Variants in ATG2B observed in about 807,000 individuals in gnomAD.
ATG2B encodes the protein autophagy related 2B, also known as autophagy-related protein 2 homolog B.
A neutral mutation model predicts 241.3 loss-of-function variants in ATG2B; 121 were observed. The ratio of observed to expected loss-of-function variants is 0.50; its 90% CI spans 0.43 to 0.58. The LOEUF (loss-of-function observed/expected upper bound fraction) is 0.58, where lower values mean the gene tolerates loss of function less well. Ranked by LOEUF, ATG2B falls within the 20% of genes least tolerant of loss-of-function variation. ATG2B has a pLI of 0.00. For synonymous variants in ATG2B, 858 were observed against 876.6 expected (o/e 0.98, Z 0.37); for missense variants, 2,306 against 2,491.6 (o/e 0.93, Z 1.59).
Position 96,328,346 on chromosome 14 carries a change from C to T in ATG2B, c.2163+1G>A. The T allele has an allele frequency of 6.3e-7, 1 of 1,594,048 alleles. No homozygotes were observed. Among genetic ancestry groups the T allele is most frequent in the Non-Finnish European group, 8.6e-7 (1 of 1,169,468 alleles). ...AGTATTTGCAGCTTTTGAATACTTA[C>T]CAGACTAATATGTTTATTATATGAA... On this transcript the variant is annotated splice_donor_variant, in intron 14 of 41. Coordinates refer to ENST00000359933, the MANE Select transcript of ATG2B (RefSeq NM_018036.7). LOFTEE classifies it high-confidence loss of function.
Position 96,328,763 on chromosome 14 carries a change from A to G in ATG2B, c.1885T>C (p.Leu629=). ...GTTTCTTCTTTGGAATGGAACGTTA[A>G]AAGCTTAAAAGTAAAGATGAAGATA... ...HSVPPHYTEL[L]TFHSKEETGS... The change falls in exon 13 of 42, where the codon TTA becomes CTA. Residue 629 remains leucine (L), a synonymous_variant. Transcript: ENST00000359933. The G allele has an allele frequency of 6.2e-7, 1 of 1,602,470 alleles. No individual in the cohort carries two copies. The highest frequency in any genetic ancestry group is 8.5e-7 in the Non-Finnish European group (1 of 1,172,644).
intron 29 of ATG2B, among the ~76,000 whole-genome samples, chr14:96,308,233 T>TATATATATATATATACAC (rs1887018607): frequency 1.4e-4 from 2 of 14,368 alleles, no homozygotes; most frequent in African/African-American, 4.7e-4. Context: ...TATATATACA[T>TATATATATATATATACAC]ATATATATAT....
In ATG2B at chr14:96,362,863, G is replaced by A. The variant is rs765607935; in HGVS notation, c.114C>T (p.Asp38=). 3.1e-6 allele frequency: 5 copies of A among 1,613,184 alleles called. No homozygotes were observed. The Admixed American group carries it at 5.0e-5, about 16-fold the overall frequency. The change falls in exon 1 of 42, where the codon GAC becomes GAT. Residue 38 remains aspartate, a synonymous_variant. Transcript: ENST00000359933. ...EKLSLEQLSL[D]LYQGTGSLAQ... ...CGAGGGACCCGGTGCCTTGGTACAG[G>A]TCCAGGCTGAGCTGCTCCAGGCTCA...
intron 6 of ATG2B, among the ~76,000 whole-genome samples, chr14:96,340,039 T>C (rs1227309344): frequency 9.3e-6 from 1 of 107,278 alleles, no homozygotes; most frequent in African/African-American, 3.2e-5. Flanking sequence ...ACATAGTGAA[T>C]ATATATGATA....
Position 96,320,205 on chromosome 14 carries a change from C to G in ATG2B, c.2879+1907G>C, listed in dbSNP as rs118104919. Reference sequence around the variant, plus strand: ...CTGCCTGCTGTTGGTGGACATCTCTCTAGTAGAGCTGAGAACTGTTCCTAT... The same window carrying G: ...CTGCCTGCTGTTGGTGGACATCTCTGTAGTAGAGCTGAGAACTGTTCCTAT... On this transcript the variant is annotated intron_variant, in intron 18 of 41. Transcript: ENST00000359933. Among the ~76,000 whole-genome samples, 647 of 152,276 alleles carry G rather than the reference C, an allele frequency of 4.2e-3. 26 individuals are homozygous for G. In the South Asian group the frequency reaches 0.067, roughly 16 times the overall value.
At chr14:96,317,061 A>C in intron 20 of ATG2B, 84 bp downstream of exon 20, 1 of 1,259,988 alleles carries the variant, frequency 7.9e-7, no homozygotes, top group Non-Finnish European at 1.1e-6. Flanking sequence ...AATATCAAAT[A>C]CTTCAATCAC....
intron 21 of ATG2B, among the ~76,000 whole-genome samples, chr14:96,316,244 T>C (rs1433935165): frequency 1.3e-5 from 2 of 152,168 alleles, no homozygotes; most frequent in African/African-American, 2.4e-5. Context: ...TAAACATGTT[T>C]TAAAATTGAC....
chr14:96,308,256 A>G (rs1180733125), intron 29 of ATG2B, among the ~76,000 whole-genome samples: 1 of 11,534 alleles, frequency 8.7e-5, no homozygotes, highest in Non-Finnish European at 2.0e-4. Context: ...ATATATACAC[A>G]CATATATATA....
Position 96,317,866 on chromosome 14 carries a change from A to C in ATG2B, c.2880-11T>G. 1 of 1,567,366 alleles carries C rather than the reference A, an allele frequency of 6.4e-7. No individual in the cohort carries two copies. Among genetic ancestry groups the C allele is most frequent in the South Asian group, 1.2e-5 (1 of 82,420 alleles). The stretch of plus-strand genomic sequence containing the variant: ...AAGTCATTAAAGATCCTATAAAGAC[A>C]AAAGTTGAAAAATAAGTACTTAACT... On this transcript the variant is annotated splice_polypyrimidine_tract_variant and intron_variant, in intron 18 of 41. Coordinates refer to ENST00000359933, the MANE Select transcript of ATG2B (RefSeq NM_018036.7).
At chr14:96,308,165 TATAAATATATATAAATAC>T (rs1235108160) in intron 29 of ATG2B, among the ~76,000 whole-genome samples, 1 of 142,342 alleles carries the variant, frequency 7.0e-6, no homozygotes, top group African/African-American at 2.6e-5. Flanking sequence ...CACACACATA[TATAAATATATATAAATAC>T]ATAAATATAT....
intron 11 of ATG2B, 54 bp from the exon 12 acceptor site, chr14:96,329,688 T>C: frequency 8.3e-7 from 1 of 1,212,002 alleles, no homozygotes; most frequent in East Asian, 2.4e-5. Flanking sequence ...GTAACAATTA[T>C]CCACCTAGTC....
chr14:96,326,866 G>A (rs893968521), intron 14 of ATG2B, among the ~76,000 whole-genome samples: 4 of 152,026 alleles, frequency 2.6e-5, no homozygotes, highest in African/African-American at 9.7e-5. Flanking sequence ...ATCCAGACTT[G>A]GATTTTTAAC....
At chr14:96,309,859 C>G (rs1278271587) in intron 28 of ATG2B, among the ~76,000 whole-genome samples, 1 of 152,074 alleles carries the variant, frequency 6.6e-6, no homozygotes, top group Non-Finnish European at 1.5e-5. Context: ...CATTTGAAAA[C>G]AGGGAAGTTG....
Position 96,285,610 on chromosome 14 carries a change from T to G in ATG2B, c.*145A>C, listed in dbSNP as rs951450401. ...TCAGAAGTTTTTGGTTGCATGTTGT[T>G]TTGATGTTAAATTATTTAACTAAAA... On this transcript the variant is annotated 3_prime_UTR_variant, in exon 42 of 42. Coordinates refer to ENST00000359933, the MANE Select transcript of ATG2B (RefSeq NM_018036.7). The surrounding 1 kb of genome is among the most constrained non-coding windows in gnomAD (Gnocchi z 4.2). 8.2e-6 allele frequency: 6 copies of G among 732,204 alleles called. No individual in the cohort carries two copies. In the African/African-American group the frequency reaches 1.1e-4, roughly 13 times the overall value. The allele number at this position is 732,204 out of a possible 1,614,324, so 45.4% of individuals were successfully genotyped here. A position where few individuals can be genotyped will look rare whatever the true frequency, so the allele number is the denominator to read the frequency against.
At chr14:96,361,039 A>AAC (rs1362628861) in intron 1 of ATG2B, among the ~76,000 whole-genome samples, 1 of 152,138 alleles carries the variant, frequency 6.6e-6, no homozygotes, top group Non-Finnish European at 1.5e-5. Context: ...CCTAACCATC[A>AAC]ACACAGCACA....
intron 6 of ATG2B, among the ~76,000 whole-genome samples, chr14:96,340,926 G>GAA (rs34515724): frequency 0.082 from 9,268 of 112,640 alleles, 464 homozygotes; most frequent in Non-Finnish European, 0.093. Context: ...ACCCCATCTC[G>GAA]AAAAAAAAAA....
intron 2 of ATG2B, among the ~76,000 whole-genome samples, chr14:96,346,208 CAT>C (rs1888166031): frequency 6.6e-6 from 1 of 152,062 alleles, no homozygotes; most frequent in South Asian, 2.1e-4. Flanking sequence ...GAGGAGGAAA[CAT>C]ATGAGATGTG....
chr14:96,284,376 T>C lies in ATG2B; in HGVS notation c.*1379A>G, dbSNP rs1272482488. On this transcript the variant is annotated 3_prime_UTR_variant, in exon 42 of 42. Transcript: ENST00000359933. ...AATTCTAAACATTTTGATTTTTGGT[T>C]TACATTGCTTTCCTGCTTAGAAAAT... 1.3e-5 allele frequency: 2 copies of C among 152,228 alleles called. No homozygotes were observed. The highest frequency in any genetic ancestry group is 4.8e-5 in the African/African-American group (2 of 41,464). 9.4% of individuals were successfully genotyped at this position (152,228 alleles called of 1,614,324 possible).
rs374069499 is a variant in ATG2B, at chr14:96,334,415, A to T, written c.1011T>A (p.Ile337=). 1.2e-6 allele frequency: 2 copies of T among 1,606,296 alleles called. No homozygotes were observed. The highest frequency in any genetic ancestry group is 1.7e-5 in the Admixed American group (1 of 58,596). Residue 337 remains isoleucine (I), a synonymous_variant, in exon 7 of 42, where the codon ATT becomes ATA. Coordinates refer to ENST00000359933, the MANE Select transcript of ATG2B (RefSeq NM_018036.7). ...CAGAATTATACTTGCCTGGTCCAGCAATAGCTGCCAACATATCCAAAAGCA... is the reference window on the plus strand; with the variant it reads ...CAGAATTATACTTGCCTGGTCCAGCTATAGCTGCCAACATATCCAAAAGCA... ...VHLLLDMLAA[I]AGPENSSKIG...
Sources: gnomAD v4.1 joint callset for allele counts (sites outside exome capture counted in the v4.1 genomes callset) on GRCh38, gnomAD v4.1.1 for gene constraint, Gnocchi (gnomAD v3.1) non-coding constraint, MANE v1.5 for transcripts, NCBI Gene and HGNC (gene_info 2026-07-23, HGNC 2026-07-21) for gene names.